Variants in ROBO2 observed in about 807,000 individuals in gnomAD.
ROBO2 encodes the protein roundabout homolog 2.
Under a neutral mutation model 160.8 loss-of-function variants are expected in ROBO2, and 53 were observed. That is an observed-to-expected ratio of 0.33 (90% CI 0.26 to 0.41). The LOEUF (loss-of-function observed/expected upper bound fraction) is 0.41, where lower values mean the gene tolerates loss of function less well. Ranked by LOEUF, ROBO2 falls within the 10% of genes least tolerant of loss-of-function variation. The pLI, the probability that ROBO2 is intolerant of heterozygous loss-of-function variation, is 1.00. For synonymous variants in ROBO2, 664 were observed against 611.7 expected (o/e 1.09, Z -1.26); for missense variants, 1,577 against 1,722.4 (o/e 0.92, Z 1.49).
intron 2 of ROBO2, among the ~76,000 whole-genome samples, chr3:77,029,088 T>C (rs1261182838): frequency 6.6e-6 from 1 of 152,194 alleles, no homozygotes; most frequent in African/African-American, 2.4e-5. Context: ...GATGTTGTTT[T>C]AGACTGAAAG....
At chr3:77,014,517 A>G (rs1003096570) in intron 2 of ROBO2, among the ~76,000 whole-genome samples, 32 of 152,280 alleles carry the variant, frequency 2.1e-4, no homozygotes, top group Admixed American at 1.0e-3. Context: ...CAGTTTTCAC[A>G]CTCACTTTCT....
At chr3:76,948,899 TATATATA>T (rs1465842014) in intron 2 of ROBO2, among the ~76,000 whole-genome samples, 42 of 33,140 alleles carry the variant, frequency 1.3e-3, no homozygotes, top group Non-Finnish European at 2.1e-3. Flanking sequence ...TATATATATA[TATATATA>T]TATTTTTTTT....
intron 2 of ROBO2, among the ~76,000 whole-genome samples, chr3:77,234,224 A>G (rs530125536): frequency 3.3e-5 from 5 of 152,148 alleles, no homozygotes; most frequent in Non-Finnish European, 7.3e-5. Context: ...CATATTGTCT[A>G]TTGAAATCAA....
intron 2 of ROBO2, among the ~76,000 whole-genome samples, chr3:76,810,657 C>T (rs937154075): frequency 9.2e-5 from 14 of 152,044 alleles, no homozygotes; most frequent in African/African-American, 3.4e-4. Flanking sequence ...GGATTCAAGA[C>T]TACTGAATAT....
intron 2 of ROBO2, among the ~76,000 whole-genome samples, chr3:76,554,798 A>G (rs1305878715): frequency 1.3e-5 from 2 of 152,090 alleles, no homozygotes; most frequent in East Asian, 3.9e-4. Context: ...ATAAAAAGGC[A>G]CATTTCTCAG....
intron 2 of ROBO2, among the ~76,000 whole-genome samples, chr3:75,971,502 C>T (rs1333366407): frequency 2.0e-5 from 3 of 151,486 alleles, no homozygotes. Flanking sequence ...TTTTCTTCAT[C>T]TATAAAGACA....
At chr3:77,620,566 G>C (rs1353551841) in intron 22 of ROBO2, among the ~76,000 whole-genome samples, 2 of 152,138 alleles carry the variant, frequency 1.3e-5, no homozygotes, top group African/African-American at 4.8e-5. Flanking sequence ...CAACTAGCAG[G>C]CTGTGAGGAA....
At chr3:76,133,818 C>T (rs1052261625) in intron 2 of ROBO2, among the ~76,000 whole-genome samples, 13 of 151,970 alleles carry the variant, frequency 8.6e-5, no homozygotes, top group African/African-American at 1.9e-4. Flanking sequence ...GCTGATTAGG[C>T]GGTGCCCACC....
intron 1 of ROBO2, among the ~76,000 whole-genome samples, chr3:77,079,774 C>T (rs141532355): frequency 6.6e-6 from 1 of 152,178 alleles, no homozygotes; most frequent in African/African-American, 2.4e-5. Flanking sequence ...CACAGTGGAA[C>T]TTCTGTGAAA....
chr3:76,948,134 T>A (rs1298054586), intron 2 of ROBO2, among the ~76,000 whole-genome samples: 1 of 152,202 alleles, frequency 6.6e-6, no homozygotes, highest in East Asian at 1.9e-4. Context: ...AACACAAAAT[T>A]TTAAGTAGAC....
At chr3:76,921,138 T>G (rs558372108) in intron 2 of ROBO2, among the ~76,000 whole-genome samples, 2 of 152,158 alleles carry the variant, frequency 1.3e-5, no homozygotes, top group African/African-American at 4.8e-5. Context: ...GGCTGCAAAT[T>G]GATCCATAAT....
At chr3:77,002,630 G>T (rs2061388756) in intron 2 of ROBO2, among the ~76,000 whole-genome samples, 7 of 151,868 alleles carry the variant, frequency 4.6e-5, no homozygotes, top group Admixed American at 4.6e-4. Context: ...ATTCATTTAA[G>T]CTTTGAAATT....
intron 2 of ROBO2, among the ~76,000 whole-genome samples, chr3:76,245,447 A>G (rs961079525): frequency 6.6e-6 from 1 of 152,186 alleles, no homozygotes; most frequent in Admixed American, 6.5e-5. Context: ...AAAAATACCT[A>G]CAGTGGAAGC....
At chr3:75,925,447 G>A (rs1469452628) in intron 1 of ROBO2, among the ~76,000 whole-genome samples, 3 of 152,116 alleles carry the variant, frequency 2.0e-5, no homozygotes, top group Admixed American at 2.0e-4. Context: ...GGCTACTAAA[G>A]TCATCTAAGT....
chr3:76,033,237 A>G (rs1333730969), intron 2 of ROBO2, among the ~76,000 whole-genome samples: 2 of 151,950 alleles, frequency 1.3e-5, no homozygotes, highest in Non-Finnish European at 2.9e-5. Flanking sequence ...TGTATTTTCT[A>G]TTTCTTTCTT....
At chr3:77,580,263 A>G (rs1281030313) in intron 16 of ROBO2, 145 bp downstream of exon 17, 4 of 795,700 alleles carry the variant, frequency 5.0e-6, no homozygotes, top group Non-Finnish European at 8.5e-6. Context: ...TTAACTGACT[A>G]GAGTTTTTTA....
intron 2 of ROBO2, among the ~76,000 whole-genome samples, chr3:75,939,417 T>C (rs544387504): frequency 6.6e-6 from 1 of 152,188 alleles, no homozygotes; most frequent in African/African-American, 2.4e-5. Flanking sequence ...TGCTCAAATA[T>C]TCTATCTTTC....
intron 2 of ROBO2, among the ~76,000 whole-genome samples, chr3:76,358,828 T>C (rs2075332102): frequency 6.6e-6 from 1 of 151,768 alleles, no homozygotes; most frequent in African/African-American, 2.4e-5. Flanking sequence ...ATGTGAAGGT[T>C]AGTTACATAT....
intron 17 of ROBO2, among the ~76,000 whole-genome samples, chr3:77,592,364 A>G (rs116529546): frequency 0.018 from 2,814 of 152,230 alleles, 91 homozygotes; most frequent in African/African-American, 0.065. Context: ...TATTTTAATG[A>G]TGACGGGAAC....
Sources: allele counts gnomAD v4.1 joint callset (sites outside exome capture counted in the v4.1 genomes callset), GRCh38; gene constraint gnomAD v4.1.1; transcripts MANE v1.5; gene names NCBI Gene and HGNC (gene_info 2026-07-23, HGNC 2026-07-21).